Variants in LSM4 observed in about 807,000 individuals in gnomAD.
The protein encoded by LSM4 is U6 snRNA-associated Sm-like protein LSm4.
LSM4 carries 15 observed loss-of-function variants against 22.3 expected under a neutral mutation model. The observed-to-expected ratio is 0.67, with a 90% confidence interval of 0.45 to 1.03. The LOEUF (loss-of-function observed/expected upper bound fraction) is 1.03. Ranked by LOEUF, LSM4 falls within the 50% of genes least tolerant of loss-of-function variation. The pLI, the probability that LSM4 is intolerant of heterozygous loss-of-function variation, is 0.00. For synonymous variants in LSM4, 90 were observed against 79.8 expected (o/e 1.13, Z -0.68); for missense variants, 127 against 198.0 (o/e 0.64, Z 2.15).
At chr19:18,316,265 G>T in intron 1 of LSM4, 200 bp from the exon 2 acceptor site, 1 of 478,444 alleles carries the variant, frequency 2.1e-6, no homozygotes, top group Non-Finnish European at 3.8e-6. Context: ...AGATTAGGAA[G>T]AAAAGCCTCA....
intron 3 of LSM4, chr19:18,310,188 G>GGGCTCTCTCTGGTTGCCCA: frequency 2.8e-6 from 1 of 355,050 alleles, no homozygotes; most frequent in Non-Finnish European, 5.1e-6. Context: ...GCCTGGGATG[G>GGGCTCTCTCTGGTTGCCCA]GGCTCTCTCT....
intron 4 of LSM4, 163 bp downstream of exon 4, chr19:18,309,515 G>GCTCCTCTGCCTGGGC: frequency 1.4e-6 from 1 of 693,440 alleles, no homozygotes; most frequent in Non-Finnish European, 2.3e-6. Flanking sequence ...AGGTCTCGGG[G>GCTCCTCTGCCTGGGC]CTCCTCTGCC....
chr19:18,307,406 G>A lies in LSM4; in HGVS notation c.*58C>T. On this transcript the variant is annotated 3_prime_UTR_variant, in exon 5 of 5. Coordinates refer to ENST00000593829, the MANE Select transcript of LSM4 (RefSeq NM_012321.5). Reference sequence around the variant, plus strand: ...TTTCTGAGCAGATCCGTCCGAGACTGTGGAGCGGAATCGCCACCCTGGCAG... The same window carrying A: ...TTTCTGAGCAGATCCGTCCGAGACTATGGAGCGGAATCGCCACCCTGGCAG... The A allele has an allele frequency of 7.2e-7, 1 of 1,392,714 alleles. No individual in the cohort carries two copies. The highest frequency in any genetic ancestry group is 9.5e-7 in the Non-Finnish European group (1 of 1,050,106). 86.3% of individuals were successfully genotyped at this position (1,392,714 alleles called of 1,614,324 possible).
At chr19:18,320,241 C>T (rs1385216750) in intron 1 of LSM4, among the ~76,000 whole-genome samples, 1 of 152,222 alleles carries the variant, frequency 6.6e-6, no homozygotes, top group African/African-American at 2.4e-5. Flanking sequence ...GGCACAGTGG[C>T]TTGTGCCTGC....
chr19:18,308,095 C>G (rs1970252975), intron 4 of LSM4, among the ~76,000 whole-genome samples: 1 of 152,214 alleles, frequency 6.6e-6, no homozygotes, highest in Non-Finnish European at 1.5e-5. Context: ...CAGAGATAGA[C>G]CATGAGGACA....
intron 1 of LSM4, among the ~76,000 whole-genome samples, chr19:18,317,401 C>T (rs1036349054): frequency 3.3e-5 from 5 of 149,890 alleles, no homozygotes; most frequent in Admixed American, 6.6e-5. Context: ...GGTGCAATCT[C>T]GGCTTACTAC....
intron 1 of LSM4, 107 bp downstream of exon 1, chr19:18,322,910 AC>A: frequency 6.8e-7 from 1 of 1,480,388 alleles, no homozygotes; most frequent in Non-Finnish European, 9.2e-7. Context: ...CGAGGCTCGG[AC>A]CTTACGTTCG....
intron 4 of LSM4, 106 bp downstream of exon 4, chr19:18,309,572 T>C (rs1431903436): frequency 1.6e-6 from 2 of 1,256,452 alleles, no homozygotes; most frequent in East Asian, 5.1e-5. Context: ...CCCGGGAGGG[T>C]TGGGAGGCTC....
chr19:18,319,380 G>A (rs1466453530), intron 1 of LSM4, among the ~76,000 whole-genome samples: 5 of 152,016 alleles, frequency 3.3e-5, no homozygotes, highest in African/African-American at 1.2e-4. Context: ...TGGCCAATAT[G>A]GTGAAACCCC....
intron 2 of LSM4, among the ~76,000 whole-genome samples, chr19:18,315,170 G>A (rs1212596919): frequency 2.0e-5 from 3 of 151,590 alleles, no homozygotes; most frequent in Non-Finnish European, 4.4e-5. Flanking sequence ...GAGCCACCAC[G>A]CCCGGCCAAT....
At position 18,316,101 on chromosome 19, in the gene LSM4, T is replaced by A. The variant is rs199963944; in HGVS notation, c.4-36A>T. The A allele has an allele frequency of 2.0e-5, 32 of 1,610,548 alleles. No homozygotes were observed. The African/African-American group carries it at 3.9e-4, about 19-fold the overall frequency. ...AATAAAGCCACATGATTTGTCTGTT[T>A]GACCAGCGCCTGGGAGCTCTGGTCT... On this transcript the variant is annotated intron_variant, in intron 1 of 4. Coordinates refer to ENST00000593829, the MANE Select transcript of LSM4 (RefSeq NM_012321.5).
chr19:18,311,591 C>T (rs993994235), intron 3 of LSM4, among the ~76,000 whole-genome samples: 3 of 152,186 alleles, frequency 2.0e-5, no homozygotes, highest in Non-Finnish European at 2.9e-5. Flanking sequence ...GACAGAGCCC[C>T]GCTGGCCGCA....
chr19:18,316,881 T>A (rs1035991047), intron 1 of LSM4, among the ~76,000 whole-genome samples: 5 of 152,142 alleles, frequency 3.3e-5, no homozygotes, highest in African/African-American at 1.2e-4. Context: ...CAGGCCCCAA[T>A]GCAGGGGTCA....
At chr19:18,316,138 C>T (rs1260403252) in intron 1 of LSM4, 73 bp from the exon 2 acceptor site, 1 of 1,458,254 alleles carries the variant, frequency 6.9e-7, no homozygotes, top group East Asian at 2.3e-5. Context: ...GAGTCCCACC[C>T]ATGACTCATA....
chr19:18,322,029 A>C (rs939010322), intron 1 of LSM4, among the ~76,000 whole-genome samples: 1 of 152,110 alleles, frequency 6.6e-6, no homozygotes, highest in African/African-American at 2.4e-5. Flanking sequence ...CTCTTTCTCC[A>C]CTGCAATTCC....
At chr19:18,309,511 C>T (rs887288421) in intron 4 of LSM4, 167 bp downstream of exon 4, 17 of 674,238 alleles carry the variant, frequency 2.5e-5, no homozygotes, top group East Asian at 1.8e-4. Flanking sequence ...TCCCAGGTCT[C>T]GGGGCTCCTC....
At chr19:18,310,769 G>A (rs543402408) in intron 3 of LSM4, among the ~76,000 whole-genome samples, 2 of 152,298 alleles carry the variant, frequency 1.3e-5, no homozygotes, top group East Asian at 3.9e-4. Context: ...CCAGCCTGGG[G>A]GCAAGGTCTA....
At position 18,323,073 on chromosome 19, in the gene LSM4, C is replaced by G; in HGVS notation, c.-53G>C. ...CCACTTCCGCCGCCGCCGCTGCACA[C>G]GCTCCCGGCGGTCGTCGCCGCGCCG... is the stretch of plus-strand genomic sequence containing the variant. On this transcript the variant is annotated 5_prime_UTR_variant, in exon 1 of 5. Coordinates refer to ENST00000593829, the MANE Select transcript of LSM4 (RefSeq NM_012321.5). 6.9e-7 allele frequency: 1 copy of G among 1,457,076 alleles called. No homozygotes were observed. Among genetic ancestry groups the G allele is most frequent in the East Asian group, 2.8e-5 (1 of 36,178 alleles). The allele number at this position is 1,457,076 out of a possible 1,614,324, so 90.3% of individuals were successfully genotyped here.
rs368371669 is a variant in LSM4, at chr19:18,314,540, C to A, written c.45+1484G>T. 2.0e-5 allele frequency among the ~76,000 whole-genome samples: 3 copies of A among 151,940 alleles called. No homozygotes were observed. The South Asian group carries it at 6.2e-4, about 32-fold the overall frequency. ...TCAAAAAAAAAAAAGTGGTAAGTAT[C>A]CGCTCCACGGAGTATCGTCTGGCTA... On this transcript the variant is annotated intron_variant, in intron 2 of 4. Transcript: ENST00000593829.
Sources: gnomAD v4.1 joint callset for allele counts (sites outside exome capture counted in the v4.1 genomes callset) on GRCh38, gnomAD v4.1.1 for gene constraint, MANE v1.5 for transcripts, NCBI Gene and HGNC (gene_info 2026-07-23, HGNC 2026-07-21) for gene names.